The following COL5A1 variants were observed in gnomAD, a reference collection of about 807,000 sequenced individuals.
COL5A1 encodes the protein collagen alpha-1(V) chain.
COL5A1 carries 16 observed loss-of-function variants against 263.7 expected under a neutral mutation model. The ratio of observed to expected loss-of-function variants is 0.06; its 90% CI spans 0.04 to 0.09. The LOEUF is 0.09. COL5A1 is among the 10% of genes least tolerant of loss of function. COL5A1 has a pLI of 1.00. For synonymous variants in COL5A1, 1,012 were observed against 1,004.5 expected (o/e 1.01, Z -0.14); for missense variants, 2,036 against 2,540.5 (o/e 0.80, Z 4.27).
intron 1 of COL5A1, among the ~76,000 whole-genome samples, chr9:134,660,828 T>C (rs1832179533): frequency 6.6e-6 from 1 of 152,184 alleles, no homozygotes; most frequent in Non-Finnish European, 1.5e-5. Context: ...GCAAGGTCTC[T>C]TTGAGTTCTT....
At chr9:134,836,672 C>T (rs1260429587) in intron 65 of COL5A1, among the ~76,000 whole-genome samples, 5 of 152,244 alleles carry the variant, frequency 3.3e-5, no homozygotes, top group African/African-American at 1.2e-4. Context: ...ACCTGGGTTC[C>T]AATCCCGCCT....
chr9:134,708,226 C>T (rs78637379), intron 4 of COL5A1, among the ~76,000 whole-genome samples: 6,393 of 152,212 alleles, frequency 0.042, 178 homozygotes, highest in East Asian at 0.11. Flanking sequence ...GGCACTCCAC[C>T]GCCTCGGGCA....
At chr9:134,824,415 G>A (rs778289129) in intron 61 of COL5A1, among the ~76,000 whole-genome samples, 185 bp from the exon 62 acceptor site, 13 of 152,342 alleles carry the variant, frequency 8.5e-5, no homozygotes, top group Non-Finnish European at 1.6e-4. Flanking sequence ...GGATGGGTGT[G>A]GAATGTTCCA....
chr9:134,659,431 G>T (rs1832133301), intron 1 of COL5A1, among the ~76,000 whole-genome samples: 1 of 152,110 alleles, frequency 6.6e-6, no homozygotes, highest in Non-Finnish European at 1.5e-5. Flanking sequence ...TTGAGTTGTG[G>T]GCATTTGATT....
chr9:134,805,341 G>A, intron 41 of COL5A1, 127 bp downstream of exon 41: 1 of 1,113,422 alleles, frequency 9.0e-7, no homozygotes, highest in Non-Finnish European at 1.4e-6. Context: ...GGATGTGGAG[G>A]GGGGAAAATG....
rs1022608827 is a variant in COL5A1 at position 134,758,102 on chromosome 9, G to C, written c.1882-141G>C. 5.1e-5 allele frequency: 40 copies of C among 791,248 alleles called. No homozygotes were observed. The African/African-American group carries it at 6.6e-4, about 13-fold the overall frequency. 49.0% of individuals were successfully genotyped at this position (791,248 alleles called of 1,614,324 possible). ...CAAAGTGGGGGCCTATGGGGAGAGG[G>C]CTGGCCGATGGGGTTCAGGGTGCAT... On this transcript the variant is annotated intron_variant, in intron 17 of 65. Transcript: ENST00000371817. This position sits in a 1 kb window ranked among gnomAD's most constrained non-coding sequence, Gnocchi z 4.1.
At position 134,824,841 on chromosome 9, in the gene COL5A1, C is replaced by T. The variant is rs140669047; in HGVS notation, c.4940C>T (p.Pro1647Leu). The stretch of plus-strand genomic sequence containing the variant: ...TGCAAGGACCTGCAGCTCTGCCACC[C>T]CGACTTCCCAGATGGTGAGGGCCTG... Reference protein sequence around the residue: ...RTCKDLQLCHPDFPDGEYWVD... With the variant: ...RTCKDLQLCHLDFPDGEYWVD... The change falls in exon 62 of 66, where the codon CCC becomes CTC. Residue 1647 changes from proline (P) to leucine (L), a missense_variant. Around this residue, in one of 3 missense-constraint regions of COL5A1, gnomAD observed 358 missense variants for 384.6 expected, o/e 0.93. Coordinates refer to ENST00000371817, the MANE Select transcript of COL5A1 (RefSeq NM_000093.5). The T allele has an allele frequency of 1.1e-5, 18 of 1,612,692 alleles. No homozygotes were observed. The highest frequency in any genetic ancestry group is 8.0e-5 in the African/African-American group (6 of 74,924).
rs1830182640 is a variant in COL5A1, at chr9:134,844,187, A to T, written c.*1884A>T. On this transcript the variant is annotated 3_prime_UTR_variant, in exon 66 of 66. Transcript: ENST00000371817. ...CACCCAGGAGGAACAAAACACCGCCAGCGTGGATTTTCCAAATTTCCCTGG... is the reference window on the plus strand; with the variant it reads ...CACCCAGGAGGAACAAAACACCGCCTGCGTGGATTTTCCAAATTTCCCTGG... The T allele has an allele frequency of 1.3e-5, 2 of 152,624 alleles. No homozygotes were observed. Among genetic ancestry groups the T allele is most frequent in the South Asian group, 2.1e-4 (1 of 4,836 alleles). The allele number at this position is 152,624 out of a possible 1,614,324, so 9.5% of individuals were successfully genotyped here.
intron 1 of COL5A1, among the ~76,000 whole-genome samples, chr9:134,670,389 CTG>C (rs1832503104): frequency 6.6e-6 from 1 of 152,270 alleles, no homozygotes; most frequent in Non-Finnish European, 1.5e-5. Context: ...ACCTGAGCAA[CTG>C]TGCCCCAGGC....
At chr9:134,740,322 C>T (rs1004814185) in intron 11 of COL5A1, among the ~76,000 whole-genome samples, 3 of 152,218 alleles carry the variant, frequency 2.0e-5, no homozygotes, top group African/African-American at 7.2e-5. Flanking sequence ...GGGCTGCAGC[C>T]ACCCCAGCTC....
At chr9:134,761,846 AG>A (rs926847450) in intron 18 of COL5A1, 78 bp from the exon 19 acceptor site, 3 of 1,397,858 alleles carry the variant, frequency 2.1e-6, no homozygotes, top group Non-Finnish European at 3.0e-6. Flanking sequence ...TCAGAATTAG[AG>A]AAAAACAAAG....
chr9:134,661,478 C>G (rs191908506), intron 1 of COL5A1, among the ~76,000 whole-genome samples: 1 of 151,802 alleles, frequency 6.6e-6, no homozygotes, highest in African/African-American at 2.4e-5. Context: ...TGCTTTCTGT[C>G]GGTGACTTTC....
At chr9:134,796,957 TGTCCCCTCCAAAACCC>T (rs1564465210) in intron 36 of COL5A1, 56 bp downstream of exon 36, 50 of 1,426,202 alleles carry the variant, frequency 3.5e-5, no homozygotes, top group African/African-American at 3.4e-4. Context: ...AAAACCCACC[TGTCCCCTCCAAAACCC>T]GCCTGTTTTC....
chr9:134,814,891 C>G lies in COL5A1; in HGVS notation c.4001C>G (p.Pro1334Arg), dbSNP rs961941196. Residue 1334 changes from proline to arginine, a missense_variant, in exon 50 of 66, where the codon CCC (proline) becomes CGC (arginine). Around this residue, in one of 3 missense-constraint regions of COL5A1, gnomAD observed 1,078 missense variants for 1,521.4 expected, o/e 0.71. Transcript: ENST00000371817. ...AAAGGCCCTCCCGGAGATGATGGTC[C>G]CAAAGGCAGCCCTGTGAGTATTCCA... ...GPKGPPGDDG[P>R]KGSPGPVGFP... The G allele has an allele frequency of 6.4e-7, 1 of 1,550,792 alleles. No individual in the cohort carries two copies. The highest frequency in any genetic ancestry group is 1.4e-5 in the African/African-American group (1 of 73,160).
intron 11 of COL5A1, among the ~76,000 whole-genome samples, chr9:134,748,087 GCA>G (rs928259598): frequency 2.4e-4 from 34 of 143,254 alleles, no homozygotes; most frequent in African/African-American, 8.0e-4. Context: ...AAACATGCAT[GCA>G]CAGACATGCA....
rs1290980851 is a variant in COL5A1, at chr9:134,818,154, C to A, written c.4230+323C>A. 6.6e-6 allele frequency among the ~76,000 whole-genome samples: 1 copy of A among 152,224 alleles called. No individual in the cohort carries two copies. The highest frequency in any genetic ancestry group is 2.1e-4 in the South Asian group (1 of 4,826). ...ACCTCATGCCTGGTCTTTGAGTCGG[C>A]CAGACCTGAGCCGCCTACCTCTGAA... On this transcript the variant is annotated intron_variant, in intron 54 of 65. Coordinates refer to ENST00000371817, the MANE Select transcript of COL5A1 (RefSeq NM_000093.5). The surrounding 1 kb of genome is among the most constrained non-coding windows in gnomAD (Gnocchi z 6.0).
At chr9:134,736,685 G>A (rs1469664392) in intron 9 of COL5A1, among the ~76,000 whole-genome samples, 2 of 152,198 alleles carry the variant, frequency 1.3e-5, no homozygotes, top group African/African-American at 4.8e-5. Context: ...TCGAAGTCCA[G>A]AGTCTCACCC....
intron 4 of COL5A1, among the ~76,000 whole-genome samples, chr9:134,720,994 G>A (rs1456415978): frequency 2.0e-5 from 3 of 152,244 alleles, no homozygotes; most frequent in Middle Eastern, 3.4e-3. Flanking sequence ...CCCAGTCCCC[G>A]CCAGACCCAC....
intron 33 of COL5A1, 46 bp from the exon 34 acceptor site, chr9:134,795,214 CTG>C (rs1277794905): frequency 9.3e-6 from 15 of 1,613,048 alleles, no homozygotes; most frequent in Non-Finnish European, 1.0e-5. Flanking sequence ...AAGGCAGTGT[CTG>C]TGTGTCGGGA....
Sources: allele counts gnomAD v4.1 joint callset (sites outside exome capture counted in the v4.1 genomes callset), GRCh38; gene constraint gnomAD v4.1.1; regional missense constraint gnomAD v4.1.1; non-coding constraint Gnocchi (gnomAD v3.1); transcripts MANE v1.5; gene names NCBI Gene and HGNC (gene_info 2026-07-23, HGNC 2026-07-21).